The following TEX2 variants were observed in gnomAD, a reference collection of about 807,000 sequenced individuals.
TEX2 encodes testis-expressed protein 2.
A neutral mutation model predicts 106.9 loss-of-function variants in TEX2; 53 were observed. The observed-to-expected ratio is 0.50, with a 90% CI of 0.40 to 0.62. The LOEUF (loss-of-function observed/expected upper bound fraction) is 0.62. Ranked by LOEUF, TEX2 falls within the 20% of genes least tolerant of loss-of-function variation. The pLI is 0.00. For missense variants in TEX2, 1,207 were observed against 1,379.0 expected (o/e 0.88, Z 1.98); for synonymous variants, 523 against 534.8 (o/e 0.98, Z 0.30).
In TEX2 at chr17:64,154,956, C is replaced by T. The variant is rs1336602260; in HGVS notation, c.2816G>A (p.Arg939Gln). ...GEIGKEGCRPRAFCLADSDEE... is the reference protein window; with the variant it reads ...GEIGKEGCRPQAFCLADSDEE... ...ATCGCTGTCCGCCAGACAGAATGCC[C>T]GGGGCCTGCAACTGGACAGAGAGAG... The change falls in exon 9 of 12, where the codon CGG becomes CAG. Residue 939 changes from arginine to glutamine, a missense_variant. Arg to Gln is a conservative substitution (Grantham distance 43). Transcript: ENST00000584379. The T allele has an allele frequency of 2.5e-6, 4 of 1,590,242 alleles. No individual in the cohort carries two copies. Among genetic ancestry groups the T allele is most frequent in the Non-Finnish European group, 3.4e-6 (4 of 1,171,334 alleles).
intron 1 of TEX2, among the ~76,000 whole-genome samples, chr17:64,250,267 C>A (rs1227148587): frequency 1.3e-5 from 2 of 152,236 alleles, no homozygotes; most frequent in Non-Finnish European, 2.9e-5. Context: ...TAAGTGGGAG[C>A]ATTTCCATCA....
intron 11 of TEX2, 66 bp downstream of exon 11, chr17:64,150,775 A>T (rs886360337): frequency 1.3e-6 from 2 of 1,533,806 alleles, no homozygotes. Flanking sequence ...GCTGAAGTTC[A>T]GAACCTCGGC....
At chr17:64,182,198 C>T (rs2031900056) in intron 5 of TEX2, among the ~76,000 whole-genome samples, 1 of 152,086 alleles carries the variant, frequency 6.6e-6, no homozygotes, top group South Asian at 2.1e-4. Flanking sequence ...ATCTTGAGGT[C>T]ATTAGGCTAA....
rs34950766 is a variant in TEX2, at chr17:64,228,394, T to C, written c.-25-14152A>G. 4.0e-3 allele frequency among the ~76,000 whole-genome samples: 605 copies of C among 152,292 alleles called. 2 individuals are homozygous for C. The highest frequency in any genetic ancestry group is 6.8e-3 in the Middle Eastern group (2 of 294). ...GACACAATTCTACAACTCACAATAA[T>C]GTAGAATCAGTGGAAGCCCTGAGCT... On this transcript the variant is annotated intron_variant, in intron 1 of 11. Transcript: ENST00000584379.
Position 64,220,999 on chromosome 17 carries a change from C to T in TEX2, c.-25-6757G>A, listed in dbSNP as rs2033344742. Among the ~76,000 whole-genome samples, 3 of 152,174 alleles carry T rather than the reference C, an allele frequency of 2.0e-5. No homozygotes were observed. The South Asian group carries it at 6.2e-4, about 32-fold the overall frequency. On this transcript the variant is annotated intron_variant, in intron 1 of 11. Transcript: ENST00000584379. ...GGACTAAAAAAATGTGGTATATATA[C>T]ACCATGGAATACTATGCAGCCATAA...
chr17:64,193,189 A>G (rs2032355776), intron 4 of TEX2, among the ~76,000 whole-genome samples: 1 of 152,222 alleles, frequency 6.6e-6, no homozygotes, highest in Non-Finnish European at 1.5e-5. Flanking sequence ...CTCGGAAGAC[A>G]TATTGAGGGT....
At position 64,195,830 on chromosome 17, in the gene TEX2, A is replaced by G. The variant is rs2032449823; in HGVS notation, c.1645-735T>C. Among the ~76,000 whole-genome samples the G allele has an allele frequency of 6.6e-6, 1 of 152,176 alleles. No homozygotes were observed. The highest frequency in any genetic ancestry group is 2.4e-5 in the African/African-American group (1 of 41,440). ...TACATACACAAAAGCCTAATACACT[A>G]TACACTGTGTTAAAGCTAATCTCAT... is the stretch of plus-strand genomic sequence containing the variant. On this transcript the variant is annotated intron_variant, in intron 2 of 11. Transcript: ENST00000584379. The surrounding 1 kb of genome is among the most constrained non-coding windows in gnomAD (Gnocchi z 4.1).
Position 64,188,368 on chromosome 17 carries a change from T to TCAGGTGCCCGGA in TEX2, c.2212_2223dup (p.Ser738_Leu741dup). 1 of 1,614,144 alleles carries TCAGGTGCCCGGA rather than the reference T, an allele frequency of 6.2e-7. No individual in the cohort carries two copies. Among genetic ancestry groups the TCAGGTGCCCGGA allele is most frequent in the Non-Finnish European group, 8.5e-7 (1 of 1,180,024 alleles). On this transcript the variant is annotated inframe_insertion, in exon 5 of 12. Transcript: ENST00000584379. Reference sequence around the variant, plus strand: ...CCTTTGCTGCTGCTGCGGCTGTGGGTCAGGTGCCCGGACGGACTGTTGTGT... The same window carrying TCAGGTGCCCGGA: ...CCTTTGCTGCTGCTGCGGCTGTGGGTCAGGTGCCCGGACAGGTGCCCGGACGGACTGTTGTGT...
chr17:64,242,624 A>G (rs1254317479), intron 1 of TEX2, among the ~76,000 whole-genome samples: 1 of 152,164 alleles, frequency 6.6e-6, no homozygotes, highest in African/African-American at 2.4e-5. Context: ...CCTGCCTCTG[A>G]ACCAGAATCA....
chr17:64,170,504 A>G (rs2031334114), intron 7 of TEX2, among the ~76,000 whole-genome samples: 1 of 151,948 alleles, frequency 6.6e-6, no homozygotes, highest in Admixed American at 6.5e-5. Flanking sequence ...AAGGGCTGCA[A>G]CCCCTACAAA....
intron 5 of TEX2, among the ~76,000 whole-genome samples, chr17:64,177,689 TTTTC>T (rs780466412): frequency 4.6e-5 from 7 of 152,330 alleles, no homozygotes; most frequent in Middle Eastern, 3.4e-3. Flanking sequence ...TCTTTGTCTG[TTTTC>T]TTTTTCTACC....
intron 1 of TEX2, among the ~76,000 whole-genome samples, chr17:64,223,150 C>G (rs2033406878): frequency 6.6e-6 from 1 of 152,118 alleles, no homozygotes; most frequent in Admixed American, 6.5e-5. Flanking sequence ...CAACTGCGCT[C>G]TGTGTCAGTG....
intron 1 of TEX2, among the ~76,000 whole-genome samples, chr17:64,236,278 A>G (rs1306378799): frequency 6.6e-6 from 1 of 152,252 alleles, no homozygotes. Flanking sequence ...GAGATTATTT[A>G]AAGTATATAT....
intron 5 of TEX2, among the ~76,000 whole-genome samples, chr17:64,187,448 C>T (rs1319200710): frequency 2.0e-5 from 3 of 152,124 alleles, no homozygotes; most frequent in African/African-American, 4.8e-5. Context: ...ACACCCCAGC[C>T]GAGCCTCTCC....
intron 1 of TEX2, among the ~76,000 whole-genome samples, chr17:64,226,924 T>C (rs1434612764): frequency 6.6e-6 from 1 of 152,024 alleles, no homozygotes; most frequent in Non-Finnish European, 1.5e-5. Flanking sequence ...AGACAACACA[T>C]AGACATCAGA....
At chr17:64,254,177 C>A (rs1318074800) in intron 1 of TEX2, among the ~76,000 whole-genome samples, 3 of 152,336 alleles carry the variant, frequency 2.0e-5, no homozygotes, top group African/African-American at 7.2e-5. Context: ...TCATAATATT[C>A]TGAGCCCCAG....
intron 6 of TEX2, among the ~76,000 whole-genome samples, chr17:64,173,595 A>G (rs880406): frequency 0.71 from 108,257 of 152,090 alleles, 38,632 homozygotes; most frequent in East Asian, 0.83. Flanking sequence ...GACAGTGTTC[A>G]AAGGCATAGT....
chr17:64,187,091 A>G (rs1279952612), intron 5 of TEX2, among the ~76,000 whole-genome samples: 1 of 152,170 alleles, frequency 6.6e-6, no homozygotes, highest in African/African-American at 2.4e-5. Context: ...AATGGAGACA[A>G]TCCTGTCTAG....
intron 4 of TEX2, among the ~76,000 whole-genome samples, chr17:64,190,858 A>G (rs1442453458): frequency 1.3e-5 from 2 of 152,206 alleles, no homozygotes; most frequent in African/African-American, 4.8e-5. Context: ...CCGTGTTGCT[A>G]GAGAAATCTA....
Sources: allele counts gnomAD v4.1 joint callset (sites outside exome capture counted in the v4.1 genomes callset), GRCh38; gene constraint gnomAD v4.1.1; non-coding constraint Gnocchi (gnomAD v3.1); transcripts MANE v1.5; gene names NCBI Gene and HGNC (gene_info 2026-07-23, HGNC 2026-07-21).